Variants in CD8B observed in about 807,000 individuals in gnomAD.
CD8B encodes CD8 subunit beta.
A neutral mutation model predicts 24.2 loss-of-function variants in CD8B; 6 were observed. The observed-to-expected ratio is 0.25, with a 90% CI of 0.14 to 0.49. The LOEUF (loss-of-function observed/expected upper bound fraction) is 0.49. Among genes scored for constraint, CD8B ranks in the 20% least tolerant of loss-of-function variants. CD8B has a pLI of 0.98. For synonymous variants in CD8B, 84 were observed against 108.3 expected (o/e 0.78, Z 1.39); for missense variants, 196 against 271.3 (o/e 0.72, Z 1.95).
At chr2:86,835,097 G>C (rs555431403), downstream of CD8B, among the ~76,000 whole-genome samples, 32 of 152,286 alleles carry the variant, frequency 2.1e-4, no homozygotes, top group Middle Eastern at 3.4e-3. Context: ...TTTCTGTGCT[G>C]GGTGGGGCTG....
At chr2:86,834,238 T>C (rs1206945753), downstream of CD8B, among the ~76,000 whole-genome samples, 1 of 152,128 alleles carries the variant, frequency 6.6e-6, no homozygotes, top group Non-Finnish European at 1.5e-5. Context: ...GCTCGCTTAT[T>C]CCAGCATCAG....
At chr2:86,853,422 A>G (rs1451731369) in intron 2 of CD8B, among the ~76,000 whole-genome samples, 1 of 152,118 alleles carries the variant, frequency 6.6e-6, no homozygotes, top group Non-Finnish European at 1.5e-5. Flanking sequence ...GGCCTGGACG[A>G]CAGAGCAAGA....
At chr2:86,821,631 C>T (rs1277216834) in intron 5 of CD8B, 7 of 313,494 alleles carry the variant, frequency 2.2e-5, no homozygotes, top group Non-Finnish European at 4.2e-5. Flanking sequence ...ACTCGGGGGC[C>T]TCCATAACTG....
In CD8B at chr2:86,840,581, T is replaced by A. The variant is rs1675373381; in HGVS notation, c.*1726A>T. Among the ~76,000 whole-genome samples the A allele has an allele frequency of 6.6e-6, 1 of 152,098 alleles. No homozygotes were observed. The highest frequency in any genetic ancestry group is 2.1e-4 in the South Asian group (1 of 4,822). On this transcript the variant is annotated 3_prime_UTR_variant, in exon 6 of 6. Coordinates refer to ENST00000390655, the MANE Select transcript of CD8B (RefSeq NM_004931.5). ...TAGCCAACAGGTACCTCAAAAGGGG[T>A]ACTTAAAACCCAGAAAACTTTGCAA...
chr2:86,821,093 AAT>A (rs1674445576), intron 5 of CD8B, among the ~76,000 whole-genome samples: 1 of 151,642 alleles, frequency 6.6e-6, no homozygotes, highest in Non-Finnish European at 1.5e-5. Context: ...GCTGGCTTTG[AAT>A]ATAGGTGCTC....
chr2:86,854,596 TG>T (rs1676141427), intron 2 of CD8B, among the ~76,000 whole-genome samples: 1 of 152,000 alleles, frequency 6.6e-6, no homozygotes, highest in Admixed American at 6.6e-5. Context: ...GCTGAAGTGT[TG>T]GGAGGGGCAG....
At chr2:86,847,668 C>T (rs992257604) in intron 3 of CD8B, among the ~76,000 whole-genome samples, 12 of 152,158 alleles carry the variant, frequency 7.9e-5, no homozygotes, top group African/African-American at 2.4e-4. Context: ...TGGGTTCAAG[C>T]GATTCTCCTG....
chr2:86,820,664 T>C (rs978598814), intron 5 of CD8B, among the ~76,000 whole-genome samples: 3 of 152,212 alleles, frequency 2.0e-5, no homozygotes, highest in African/African-American at 7.2e-5. Flanking sequence ...TGCTTTATTG[T>C]GGTGGTCTGG....
At chr2:86,817,229 G>C (rs1389292284) in intron 5 of CD8B, among the ~76,000 whole-genome samples, 1 of 152,180 alleles carries the variant, frequency 6.6e-6, no homozygotes, top group Non-Finnish European at 1.5e-5. Flanking sequence ...AACTGCAGTG[G>C]AGATAATTTG....
At chr2:86,835,288 C>T (rs902172005), downstream of CD8B, among the ~76,000 whole-genome samples, 44 of 152,216 alleles carry the variant, frequency 2.9e-4, no homozygotes, top group African/African-American at 9.6e-5. Flanking sequence ...GGACTTCAAC[C>T]AAAGCCTGCT....
intron 1 of CD8B, among the ~76,000 whole-genome samples, chr2:86,859,060 C>G (rs11888177): frequency 0.5 from 75,118 of 151,670 alleles, 18,924 homozygotes; most frequent in African/African-American, 0.56. Context: ...CTTTCACCTC[C>G]CCTGGCTGCC....
rs1430631011 is a variant in CD8B, at chr2:86,840,318, A to G, written c.*1989T>C. Among the ~76,000 whole-genome samples, 1 of 152,152 alleles carries G rather than the reference A, an allele frequency of 6.6e-6. No homozygotes were observed. The highest frequency in any genetic ancestry group is 2.4e-5 in the African/African-American group (1 of 41,438). ...AAACACCTGGGTCTGGGGGCAGGGC[A>G]TCTAAGGCCAATTAACATACACCAA... On this transcript the variant is annotated 3_prime_UTR_variant, in exon 6 of 6. Transcript: ENST00000390655.
intron 1 of CD8B, among the ~76,000 whole-genome samples, chr2:86,861,346 C>G (rs546186850): frequency 6.6e-6 from 1 of 152,216 alleles, no homozygotes; most frequent in South Asian, 2.1e-4. Context: ...ATCACCCTGC[C>G]CTAGCCCTCC....
At chr2:86,833,944 C>T (rs1297033711), downstream of CD8B, among the ~76,000 whole-genome samples, 4 of 151,940 alleles carry the variant, frequency 2.6e-5, no homozygotes, top group African/African-American at 9.7e-5. Flanking sequence ...CCACCGTGCC[C>T]GGCCAAATCA....
chr2:86,842,066 C>T lies in CD8B; in HGVS notation c.*241G>A, dbSNP rs1192489138. On this transcript the variant is annotated 3_prime_UTR_variant, in exon 6 of 6. Transcript: ENST00000390655. ...CAGCATTTCTTACTCAGTCCTCCAG[C>T]ACACTCTGTGAAGTGCCCTGGGGGC... The T allele has an allele frequency of 9.3e-6, 12 of 1,292,974 alleles. No homozygotes were observed. The highest frequency in any genetic ancestry group is 1.2e-5 in the Non-Finnish European group (12 of 1,015,494). The allele number at this position is 1,292,974 out of a possible 1,614,324, so 80.1% of individuals were successfully genotyped here. A position where few individuals can be genotyped will look rare whatever the true frequency, so the allele number is the denominator to read the frequency against.
At chr2:86,861,592 G>A (rs1337430235) in intron 1 of CD8B, among the ~76,000 whole-genome samples, 3 of 152,170 alleles carry the variant, frequency 2.0e-5, no homozygotes, top group African/African-American at 7.2e-5. Context: ...GGCTTTTGAG[G>A]GGAGGTGGCC....
intron 5 of CD8B, among the ~76,000 whole-genome samples, chr2:86,825,402 T>C (rs1674638526): frequency 6.6e-6 from 1 of 152,168 alleles, no homozygotes; most frequent in Non-Finnish European, 1.5e-5. Flanking sequence ...TTGACTTCCT[T>C]GGGAAAGAGT....
rs569926979 is a variant in CD8B at position 86,841,840 on chromosome 2, C to T, written c.*467G>A. 30 of 986,288 alleles carry T rather than the reference C, an allele frequency of 3.0e-5. No individual in the cohort carries two copies. The South Asian group carries it at 4.7e-4, about 15-fold the overall frequency. 61.1% of individuals were successfully genotyped at this position (986,288 alleles called of 1,614,324 possible). ...CTCAGCAAGCCTCATTCCCAACCTG[C>T]ACCTGGCCTCTCTGCGAGGAAGGTC... is the stretch of plus-strand genomic sequence containing the variant. On this transcript the variant is annotated 3_prime_UTR_variant, in exon 6 of 6. Coordinates refer to ENST00000390655, the MANE Select transcript of CD8B (RefSeq NM_004931.5).
At chr2:86,825,975 C>T (rs1674670932) in intron 5 of CD8B, among the ~76,000 whole-genome samples, 1 of 152,114 alleles carries the variant, frequency 6.6e-6, no homozygotes, top group Admixed American at 6.5e-5. Flanking sequence ...ACCTCCGCCA[C>T]TGGAGCTCTC....
Sources: gnomAD v4.1 joint callset for allele counts (sites outside exome capture counted in the v4.1 genomes callset) on GRCh38, gnomAD v4.1.1 for gene constraint, MANE v1.5 for transcripts, NCBI Gene and HGNC (gene_info 2026-07-23, HGNC 2026-07-21) for gene names.